ZNF449: variants seen among roughly 807,000 people sequenced by gnomAD.
The protein encoded by ZNF449 is zinc finger protein 449.
A neutral mutation model predicts 32.6 loss-of-function variants in ZNF449; 4 were observed. The observed-to-expected ratio is 0.12, with a 90% CI of 0.06 to 0.28. The LOEUF is 0.28. Ranked by LOEUF, ZNF449 falls within the 10% of genes least tolerant of loss-of-function variation. The probability of loss-of-function intolerance (pLI) is 1.00; values close to 1 mark genes in which losing one functional copy is unlikely to be tolerated. For synonymous variants in ZNF449, 123 were observed against 132.2 expected (o/e 0.93, Z 0.48); for missense variants, 275 against 383.2 (o/e 0.72, Z 2.36).
intron 3 of ZNF449, among the ~76,000 whole-genome samples, chrX:135,351,464 G>A (rs1556450341): frequency 2.7e-5 from 3 of 110,159 alleles, no homozygotes; most frequent in African/African-American, 9.9e-5. Context: ...GATCAGATTC[G>A]GTGGGTCAAG....
intron 3 of ZNF449, among the ~76,000 whole-genome samples, chrX:135,357,715 T>C (rs1459256027): frequency 6.3e-5 from 7 of 111,767 alleles, no homozygotes; most frequent in Non-Finnish European, 1.3e-4. Context: ...TGGATTGATA[T>C]TTTTATCATT....
At position 135,347,034 on chromosome X, in the gene ZNF449, TCCCAC is replaced by T; in HGVS notation, c.-80_-76del. The T allele has an allele frequency of 2.9e-6, 3 of 1,017,447 alleles. No individual in the cohort carries two copies. The highest frequency in any genetic ancestry group is 4.0e-6 in the Non-Finnish European group (3 of 749,344). 83.8% of individuals were successfully genotyped at this position (1,017,447 alleles called of 1,213,427 possible). On this transcript the variant is annotated 5_prime_UTR_variant, in exon 2 of 5. Coordinates refer to ENST00000339249, the MANE Select transcript of ZNF449 (RefSeq NM_152695.6). ...CTGTCCTTAGCTGTAGGTGGCTCCCTCCCACCCCAACGATTTCAGAGAGAAACAAG... is the reference window on the plus strand; with the variant it reads ...CTGTCCTTAGCTGTAGGTGGCTCCCTCCCAACGATTTCAGAGAGAAACAAG...
chrX:135,358,140 G>C (rs1556452472), intron 3 of ZNF449, among the ~76,000 whole-genome samples: 3 of 109,790 alleles, frequency 2.7e-5, no homozygotes, highest in Admixed American at 1.9e-4. Context: ...TATTTCTTTA[G>C]TGGTTGCTCT....
intron 3 of ZNF449, among the ~76,000 whole-genome samples, chrX:135,355,582 A>G (rs1328330595): frequency 2.7e-5 from 3 of 111,833 alleles, no homozygotes; most frequent in Non-Finnish European, 5.7e-5. Flanking sequence ...AGGATTTGAT[A>G]TAATGTACTG....
intron 3 of ZNF449, among the ~76,000 whole-genome samples, chrX:135,350,075 C>T (rs1030945997): frequency 2.0e-4 from 21 of 107,463 alleles, no homozygotes; most frequent in African/African-American, 6.9e-4. Flanking sequence ...GGCGCAATCT[C>T]GGCGCACTGT....
intron 3 of ZNF449, among the ~76,000 whole-genome samples, chrX:135,352,729 G>T (rs1379789017): frequency 8.9e-6 from 1 of 112,040 alleles, no homozygotes; most frequent in African/African-American, 3.2e-5. Context: ...AACTTCTTCA[G>T]ATTATTCTAC....
chrX:135,359,524 C>T lies in ZNF449; in HGVS notation c.560-368C>T, dbSNP rs1436228060. On this transcript the variant is annotated intron_variant, in intron 3 of 4. Transcript: ENST00000339249. ...CTTTCACCTCTCTTTCTTCATTTGG[C>T]ACTCAATAGCAGTGTTTCCCAGTAT... Among the ~76,000 whole-genome samples the T allele has an allele frequency of 3.6e-5, 4 of 111,516 alleles. No homozygotes were observed. In the East Asian group the frequency reaches 8.4e-4, roughly 23 times the overall value.
chrX:135,355,729 A>G (rs1196663490), intron 3 of ZNF449, among the ~76,000 whole-genome samples: 1 of 111,592 alleles, frequency 9.0e-6, no homozygotes, highest in Non-Finnish European at 1.9e-5. Flanking sequence ...CATACCATAC[A>G]TTGTCACCCC....
rs1411707107 is a variant in ZNF449 at position 135,362,268 on chromosome X, T to G, written c.*1192T>G. The G allele has an allele frequency of 8.9e-6, 1 of 111,826 alleles. No individual in the cohort carries two copies. Among genetic ancestry groups the G allele is most frequent in the East Asian group, 2.8e-4 (1 of 3,601 alleles). 9.2% of individuals were successfully genotyped at this position (111,826 alleles called of 1,213,427 possible). A position where few individuals can be genotyped will look rare whatever the true frequency, so the allele number is the denominator to read the frequency against. On this transcript the variant is annotated 3_prime_UTR_variant, in exon 5 of 5. Coordinates refer to ENST00000339249, the MANE Select transcript of ZNF449 (RefSeq NM_152695.6). ...TTCAGATAATTTTTAAGTTTCCTAG[T>G]GATTCTCAATCTCTTTGAATTTTAC... is the stretch of plus-strand genomic sequence containing the variant.
At chrX:135,350,660 A>G (rs1306049690) in intron 3 of ZNF449, among the ~76,000 whole-genome samples, 1 of 112,053 alleles carries the variant, frequency 8.9e-6, no homozygotes, top group East Asian at 2.8e-4. Context: ...GTTGGAAAGC[A>G]GCTCTGGTCA....
At position 135,359,902 on chromosome X, in the gene ZNF449, A is replaced by G; in HGVS notation, c.570A>G (p.Leu190=). ...CQNFLDPGYP[L]PKLDMNFSLE... is the part of the protein sequence containing the mutation. Reference sequence around the variant, plus strand: ...CTTTCTTCTGGCCAGGATATCCATTACCAAAACTTGACATGAACTTCTCAT... The same window carrying G: ...CTTTCTTCTGGCCAGGATATCCATTGCCAAAACTTGACATGAACTTCTCAT... Residue 190 remains leucine, a synonymous_variant, in exon 4 of 5, where the codon TTA becomes TTG. Transcript: ENST00000339249. 1 of 1,189,881 alleles carries G rather than the reference A, an allele frequency of 8.4e-7. No individual in the cohort carries two copies. The highest frequency in any genetic ancestry group is 1.1e-6 in the Non-Finnish European group (1 of 879,041).
chrX:135,358,948 AT>A (rs1286928398), intron 3 of ZNF449, among the ~76,000 whole-genome samples: 26 of 111,027 alleles, frequency 2.3e-4, no homozygotes, highest in African/African-American at 7.8e-4. Flanking sequence ...TAAAAAGGAA[AT>A]TTTTTTTTCA....
chrX:135,360,170 G>A (rs1602691907), intron 4 of ZNF449, 23 bp from the exon 5 acceptor site: 5 of 1,160,219 alleles, frequency 4.3e-6, no homozygotes, highest in Non-Finnish European at 5.7e-6. Flanking sequence ...AATATCATCT[G>A]CAGTTTCTAT....
chrX:135,349,565 G>A (rs148890215), intron 3 of ZNF449, among the ~76,000 whole-genome samples: 1 of 111,756 alleles, frequency 8.9e-6, no homozygotes, highest in East Asian at 2.8e-4. Flanking sequence ...GGAAAACTAT[G>A]GGAGTTTGGA....
At position 135,356,211 on chromosome X, in the gene ZNF449, A is replaced by G. The variant is rs188296812; in HGVS notation, c.560-3681A>G. On this transcript the variant is annotated intron_variant, in intron 3 of 4. Transcript: ENST00000339249. ...AGCACAATTGCTATGTCATATGGTA[A>G]CTCTATGTTTAAACTTCTCAGGAAC... Among the ~76,000 whole-genome samples the G allele has an allele frequency of 3.9e-4, 44 of 111,798 alleles. 1 individual carries two copies. The highest frequency in any genetic ancestry group is 7.6e-4 in the Non-Finnish European group (40 of 52,966).
At chrX:135,356,139 A>G (rs782206061) in intron 3 of ZNF449, among the ~76,000 whole-genome samples, 1 of 111,663 alleles carries the variant, frequency 9.0e-6, no homozygotes, top group African/African-American at 3.3e-5. Context: ...TCAGTATGAC[A>G]TTTTGTATTT....
Position 135,347,229 on chromosome X carries a change from G to A in ZNF449, c.111G>A (p.Gln37=), listed in dbSNP as rs45487096. The part of the protein sequence containing the change: ...EVFRQRFRQF[Q]YREAAGPHEA... Reference sequence around the variant, plus strand: ...TCCGTCAGCGCTTCAGGCAGTTCCAGTACAGAGAAGCAGCTGGGCCTCATG... The same window carrying A: ...TCCGTCAGCGCTTCAGGCAGTTCCAATACAGAGAAGCAGCTGGGCCTCATG... Residue 37 remains glutamine, a synonymous_variant, in exon 2 of 5, where the codon CAG becomes CAA. Coordinates refer to ENST00000339249, the MANE Select transcript of ZNF449 (RefSeq NM_152695.6). The A allele has an allele frequency of 5.6e-3, 6,784 of 1,211,098 alleles. 20 individuals are homozygous for A. Among genetic ancestry groups the A allele is most frequent in the Non-Finnish European group, 7.0e-3 (6,283 of 895,495 alleles).
At chrX:135,357,562 A>G (rs782051678) in intron 3 of ZNF449, among the ~76,000 whole-genome samples, 4 of 111,580 alleles carry the variant, frequency 3.6e-5, no homozygotes, top group Non-Finnish European at 5.7e-5. Context: ...TTTTCTGTCT[A>G]TTAGTGCAAG....
intron 1 of ZNF449, among the ~76,000 whole-genome samples, 170 bp downstream of exon 1, chrX:135,345,005 C>T (rs1461149081): frequency 1.8e-5 from 2 of 112,946 alleles, no homozygotes; most frequent in Non-Finnish European, 3.8e-5. Flanking sequence ...GCCAGGGTCC[C>T]CGCCACCACT....
Sources: gnomAD v4.1 joint callset for allele counts (sites outside exome capture counted in the v4.1 genomes callset) on GRCh38, gnomAD v4.1.1 for gene constraint, MANE v1.5 for transcripts, NCBI Gene and HGNC (gene_info 2026-07-23, HGNC 2026-07-21) for gene names.